The following PSTPIP2 variants were observed in gnomAD, a reference collection of about 807,000 sequenced individuals.
The protein encoded by PSTPIP2 is proline-serine-threonine phosphatase interacting protein 2.
Under a neutral mutation model 63.3 loss-of-function variants are expected in PSTPIP2, and 33 were observed. That is an observed-to-expected ratio of 0.52 (90% CI 0.40 to 0.70). PSTPIP2 has a LOEUF of 0.70. Ranked by LOEUF, PSTPIP2 falls within the 30% of genes least tolerant of loss-of-function variation. The pLI, the probability that PSTPIP2 is intolerant of heterozygous loss-of-function variation, is 0.00. For synonymous variants in PSTPIP2, 125 were observed against 132.7 expected (o/e 0.94, Z 0.40); for missense variants, 312 against 400.7 (o/e 0.78, Z 1.89).
intron 1 of PSTPIP2, among the ~76,000 whole-genome samples, chr18:46,046,192 G>C (rs1478210663): frequency 6.6e-6 from 1 of 152,166 alleles, no homozygotes; most frequent in Non-Finnish European, 1.5e-5. Flanking sequence ...ATTCCATGCT[G>C]CAGGGCCTCT....
intron 2 of PSTPIP2, among the ~76,000 whole-genome samples, chr18:46,027,219 G>GCTCC (rs1426360129): frequency 3.3e-5 from 5 of 151,616 alleles, no homozygotes; most frequent in Non-Finnish European, 7.4e-5. Context: ...CGCTTGAACC[G>GCTCC]GGGAGGCAGA....
At chr18:46,066,828 C>G (rs1192882874) in intron 1 of PSTPIP2, among the ~76,000 whole-genome samples, 2 of 152,130 alleles carry the variant, frequency 1.3e-5, no homozygotes, top group East Asian at 3.9e-4. Context: ...AGTTCCAGAC[C>G]AGCCTGCCCA....
chr18:46,030,449 C>T (rs904363937), intron 2 of PSTPIP2, among the ~76,000 whole-genome samples: 1 of 152,058 alleles, frequency 6.6e-6, no homozygotes, highest in Non-Finnish European at 1.5e-5. Flanking sequence ...GACAGCATGC[C>T]GGAAGTGTTA....
At chr18:46,054,108 T>G (rs1038032308) in intron 1 of PSTPIP2, among the ~76,000 whole-genome samples, 2 of 152,184 alleles carry the variant, frequency 1.3e-5, no homozygotes, top group African/African-American at 2.4e-5. Context: ...CTCACACTGG[T>G]GAGTATTATG....
intron 9 of PSTPIP2, among the ~76,000 whole-genome samples, chr18:45,997,055 T>G (rs1237731512): frequency 6.6e-6 from 1 of 152,254 alleles, no homozygotes; most frequent in Non-Finnish European, 1.5e-5. Context: ...TATTCTATGC[T>G]TGTGCTAACC....
Position 45,995,280 on chromosome 18 carries a change from C to A in PSTPIP2, c.643-1577G>T, listed in dbSNP as rs537688614. On this transcript the variant is annotated intron_variant, in intron 9 of 14. Transcript: ENST00000409746. ...CCATGCCCGGCTAATTTTTATATTT[C>A]TTTGTAGAGACAAAATTTCGCTGTG... Among the ~76,000 whole-genome samples the A allele has an allele frequency of 1.2e-4, 19 of 152,016 alleles. No individual in the cohort carries two copies. The South Asian group carries it at 4.0e-3, about 32-fold the overall frequency.
rs928005864 is a variant in PSTPIP2 at position 45,983,872 on chromosome 18, CGCAGTG to C, written c.*1581_*1586del. ...ACGAAAGGTGGGGAAATAGGCCGGG[CGCAGTG>C]GCTCACGCCTGTAATCCCAGCACTT... On this transcript the variant is annotated 3_prime_UTR_variant, in exon 15 of 15. Transcript: ENST00000409746. The C allele has an allele frequency of 7.2e-5, 11 of 152,222 alleles. No individual in the cohort carries two copies. The highest frequency in any genetic ancestry group is 2.7e-4 in the African/African-American group (11 of 41,426). 9.4% of individuals were successfully genotyped at this position (152,222 alleles called of 1,614,324 possible).
intron 1 of PSTPIP2, among the ~76,000 whole-genome samples, chr18:46,068,083 C>CA (rs1285157371): frequency 6.6e-6 from 1 of 151,158 alleles, no homozygotes; most frequent in Non-Finnish European, 1.5e-5. Flanking sequence ...CAACCAACCA[C>CA]AGATGAAAAA....
chr18:45,999,639 T>C, intron 6 of PSTPIP2, 105 bp from the exon 7 acceptor site: 1 of 1,108,920 alleles, frequency 9.0e-7, no homozygotes, highest in East Asian at 2.4e-5. Flanking sequence ...GCCGTCTGAT[T>C]AGTGCTCTGA....
rs558866205 is a variant in PSTPIP2 at position 46,064,872 on chromosome 18, C to T, written c.33+7284G>A. On this transcript the variant is annotated intron_variant, in intron 1 of 14. Transcript: ENST00000409746. ...ATTATAGAAAACACTGGGCCGGGTG[C>T]GGTGGCTTATGCCTGTAATCCCAGC... 8.9e-4 allele frequency among the ~76,000 whole-genome samples: 135 copies of T among 151,824 alleles called. 1 individual carries two copies. The South Asian group carries it at 0.027, about 30-fold the overall frequency.
chr18:46,028,452 GACAA>G (rs1241359737), intron 2 of PSTPIP2: 1 of 586,364 alleles, frequency 1.7e-6, no homozygotes, highest in Non-Finnish European at 3.3e-6. Flanking sequence ...CGCTGGAGAA[GACAA>G]ACCGGCCGTG....
Position 45,998,319 on chromosome 18 carries a change from C to T in PSTPIP2, c.562+475G>A, listed in dbSNP as rs906566430. 2.0e-5 allele frequency among the ~76,000 whole-genome samples: 3 copies of T among 152,218 alleles called. No homozygotes were observed. The East Asian group carries it at 5.8e-4, about 29-fold the overall frequency. On this transcript the variant is annotated intron_variant, in intron 8 of 14. Transcript: ENST00000409746. Reference sequence around the variant, plus strand: ...ATATTCTGGGAATTAGAAGCTTTTGCAAATGCCTGGTTTGGGTCTTAGATT... The same window carrying T: ...ATATTCTGGGAATTAGAAGCTTTTGTAAATGCCTGGTTTGGGTCTTAGATT...
At chr18:46,066,950 C>T (rs1909210890) in intron 1 of PSTPIP2, among the ~76,000 whole-genome samples, 1 of 151,276 alleles carries the variant, frequency 6.6e-6, no homozygotes, top group East Asian at 2.0e-4. Flanking sequence ...TCGCTTGAAC[C>T]CGGGAGGCAG....
Position 45,984,011 on chromosome 18 carries a change from G to T in PSTPIP2, c.*1448C>A, listed in dbSNP as rs1481483083. 1 of 152,178 alleles carries T rather than the reference G, an allele frequency of 6.6e-6. No individual in the cohort carries two copies. The highest frequency in any genetic ancestry group is 6.5e-5 in the Admixed American group (1 of 15,272). 9.4% of individuals were successfully genotyped at this position (152,178 alleles called of 1,614,324 possible). A position where few individuals can be genotyped will look rare whatever the true frequency, so the allele number is the denominator to read the frequency against. On this transcript the variant is annotated 3_prime_UTR_variant, in exon 15 of 15. Transcript: ENST00000409746. ...AAAATACAAAAAATTAGCCAGGTGT[G>T]GTGGTGGGTGCCTGTAATCCCAGCT...
At chr18:46,028,535 G>T in intron 2 of PSTPIP2, 1 of 673,068 alleles carries the variant, frequency 1.5e-6, no homozygotes, top group Non-Finnish European at 2.8e-6. Flanking sequence ...TGCGGCGTCT[G>T]CGGGGTCCGT....
At chr18:46,029,310 T>C (rs878870643) in intron 2 of PSTPIP2, 1 of 1,525,046 alleles carries the variant, frequency 6.6e-7, no homozygotes, top group East Asian at 2.3e-5. Context: ...GCATTTGCTA[T>C]CGATGAAGAC....
rs147249344 is a variant in PSTPIP2 at position 46,008,644 on chromosome 18, T to C, written c.354+2537A>G. Among the ~76,000 whole-genome samples the C allele has an allele frequency of 3.8e-3, 580 of 152,204 alleles. 6 individuals carry two copies. Among genetic ancestry groups the C allele is most frequent in the Middle Eastern group, 0.01 (3 of 294 alleles). On this transcript the variant is annotated intron_variant, in intron 5 of 14. Transcript: ENST00000409746. ...CTAAAAACTGGAAGCATCGCCTCTG[T>C]AACCACGGAGGTTCCTTTCTTTGGA...
At chr18:46,023,212 C>T (rs1372821080) in intron 3 of PSTPIP2, among the ~76,000 whole-genome samples, 6 of 152,080 alleles carry the variant, frequency 3.9e-5, no homozygotes, top group African/African-American at 1.4e-4. Flanking sequence ...AACAAATCCC[C>T]ATAACACATG....
At chr18:46,028,960 GCTCA>G in intron 2 of PSTPIP2, 1 of 1,133,548 alleles carries the variant, frequency 8.8e-7, no homozygotes, top group Non-Finnish European at 1.3e-6. Flanking sequence ...TCCTTCTGCT[GCTCA>G]GATCTCATCT....
Sources: allele counts gnomAD v4.1 joint callset (sites outside exome capture counted in the v4.1 genomes callset), GRCh38; gene constraint gnomAD v4.1.1; transcripts MANE v1.5; gene names NCBI Gene and HGNC (gene_info 2026-07-23, HGNC 2026-07-21).